HK2: variants seen among roughly 807,000 people sequenced by gnomAD.
HK2 encodes the protein hexokinase-2.
HK2 carries 42 observed loss-of-function variants against 92.9 expected under a neutral mutation model. The ratio of observed to expected loss-of-function variants is 0.45; its 90% CI spans 0.35 to 0.58. The LOEUF is 0.58. Ranked by LOEUF, HK2 falls within the 20% of genes least tolerant of loss-of-function variation. The probability of loss-of-function intolerance (pLI) is 0.00; values close to 1 mark genes in which losing one functional copy is unlikely to be tolerated. For synonymous variants in HK2, 422 were observed against 468.0 expected (o/e 0.90, Z 1.27); for missense variants, 978 against 1,245.1 (o/e 0.79, Z 3.23).
intron 13 of HK2, among the ~76,000 whole-genome samples, chr2:74,885,986 G>A (rs902529803): frequency 2.0e-5 from 3 of 151,922 alleles, no homozygotes; most frequent in African/African-American, 7.3e-5. Context: ...GCTAAACAAG[G>A]GGTGTATTAT....
intron 1 of HK2, among the ~76,000 whole-genome samples, chr2:74,835,994 G>A (rs1558784480): frequency 6.6e-6 from 1 of 152,182 alleles, no homozygotes; most frequent in Non-Finnish European, 1.5e-5. Flanking sequence ...CTGGAGGAGC[G>A]AGCAGAGGCG....
At position 74,844,258 on chromosome 2, in the gene HK2, T is replaced by C. The variant is rs940546393; in HGVS notation, c.63+9615T>C. 7.2e-5 allele frequency among the ~76,000 whole-genome samples: 11 copies of C among 152,276 alleles called. No homozygotes were observed. The South Asian group carries it at 1.9e-3, about 26-fold the overall frequency. On this transcript the variant is annotated intron_variant, in intron 1 of 17. Coordinates refer to ENST00000290573, the MANE Select transcript of HK2 (RefSeq NM_000189.5). ...ACTAAGGGACCAGCCCAAGCTCACA[T>C]AGGATAAGCCCCAGATCTGGAACCC... is the stretch of plus-strand genomic sequence containing the variant.
At chr2:74,870,208 T>G (rs567358607) in intron 3 of HK2, among the ~76,000 whole-genome samples, 1 of 152,092 alleles carries the variant, frequency 6.6e-6, no homozygotes, top group South Asian at 2.1e-4. Context: ...CAGCTAATTT[T>G]TTGAATCACC....
intron 2 of HK2, among the ~76,000 whole-genome samples, chr2:74,867,047 T>C (rs2103934206): frequency 6.6e-6 from 1 of 152,256 alleles, no homozygotes; most frequent in African/African-American, 2.4e-5. Flanking sequence ...GATGGAGGCA[T>C]GCACCCCTGG....
In HK2 at chr2:74,890,992, T is replaced by C. The variant is rs1689664705; in HGVS notation, c.*51T>C. The C allele has an allele frequency of 3.8e-6, 6 of 1,599,698 alleles. No homozygotes were observed. The highest frequency in any genetic ancestry group is 5.1e-6 in the Non-Finnish European group (6 of 1,173,214). On this transcript the variant is annotated 3_prime_UTR_variant, in exon 18 of 18. Coordinates refer to ENST00000290573, the MANE Select transcript of HK2 (RefSeq NM_000189.5). ...CTCTTTCTCTCCTTCTTCCCTGTTT[T>C]AAATTATAAGATGTCATCCCCTTGT... is the stretch of plus-strand genomic sequence containing the variant.
intron 12 of HK2, among the ~76,000 whole-genome samples, chr2:74,882,945 C>A (rs1363228314): frequency 6.6e-6 from 1 of 151,972 alleles, no homozygotes; most frequent in African/African-American, 2.4e-5. Context: ...CTTCTCTGGT[C>A]TCATCTTGCT....
In HK2 at chr2:74,842,232, A is replaced by G. The variant is rs191616134; in HGVS notation, c.63+7589A>G. 7.9e-3 allele frequency among the ~76,000 whole-genome samples: 1,203 copies of G among 152,010 alleles called. 9 individuals carry two copies. The highest frequency in any genetic ancestry group is 0.017 in the South Asian group (83 of 4,824). ...AGTATTGGTACTTAACAATGGTTCA[A>G]CTTGATTTTTTTTTGACTTCACAAT... On this transcript the variant is annotated intron_variant, in intron 1 of 17. Transcript: ENST00000290573.
intron 1 of HK2, among the ~76,000 whole-genome samples, chr2:74,852,316 G>T (rs1392540602): frequency 6.6e-6 from 1 of 152,222 alleles, no homozygotes; most frequent in East Asian, 1.9e-4. Flanking sequence ...GGGCCAGTCA[G>T]TGTCTCATTG....
At chr2:74,879,056 A>C in intron 9 of HK2, 135 bp downstream of exon 9, 3 of 798,366 alleles carry the variant, frequency 3.8e-6, no homozygotes, top group Non-Finnish European at 6.5e-6. Flanking sequence ...TGGTGGAATG[A>C]AAGTTCCCAC....
intron 7 of HK2, among the ~76,000 whole-genome samples, chr2:74,874,963 G>A (rs1385834320): frequency 6.6e-6 from 1 of 152,132 alleles, no homozygotes; most frequent in East Asian, 1.9e-4. Flanking sequence ...GAGCTTCCTT[G>A]GCCTCCTTCA....
At chr2:74,876,660 C>T (rs1301198490) in intron 7 of HK2, among the ~76,000 whole-genome samples, 1 of 152,208 alleles carries the variant, frequency 6.6e-6, no homozygotes, top group East Asian at 1.9e-4. Flanking sequence ...CCATCATCCC[C>T]TGCCCCAGGT....
chr2:74,845,599 G>A (rs529664524), intron 1 of HK2, among the ~76,000 whole-genome samples: 73 of 152,350 alleles, frequency 4.8e-4, no homozygotes, highest in African/African-American at 1.7e-3. Flanking sequence ...GGAGTGGCCC[G>A]TATGCCTCCC....
rs1415847910 is a variant in HK2, at chr2:74,889,401, G to T, written c.2532G>T (p.Arg844Ser). The T allele has an allele frequency of 9.9e-6, 16 of 1,614,194 alleles. No homozygotes were observed. Among genetic ancestry groups the T allele is most frequent in the African/African-American group, 1.3e-5 (1 of 75,052 alleles). ...CGAGMAAVVDRIRENRGLDAL... is the reference protein window; with the variant it reads ...CGAGMAAVVDSIRENRGLDAL... ...CAGGCATGGCCGCTGTGGTGGACAGGATACGAGAAAACCGTGGGCTGGACG... is the reference window on the plus strand; with the variant it reads ...CAGGCATGGCCGCTGTGGTGGACAGTATACGAGAAAACCGTGGGCTGGACG... Residue 844 changes from arginine (R) to serine (S), a missense_variant, in exon 17 of 18, where the codon AGG becomes AGT. Arg to Ser is a moderately radical substitution (Grantham distance 110). This residue lies in a region of HK2 where 742 missense variants were observed against 922.5 expected (regional missense o/e 0.80). Coordinates refer to ENST00000290573, the MANE Select transcript of HK2 (RefSeq NM_000189.5).
At chr2:74,845,472 A>T (rs1688414270) in intron 1 of HK2, among the ~76,000 whole-genome samples, 1 of 152,222 alleles carries the variant, frequency 6.6e-6, no homozygotes, top group Non-Finnish European at 1.5e-5. Flanking sequence ...CATCTCCTGG[A>T]CCCTGGACAG....
chr2:74,865,637 T>TGCTGTAGCTAGCCCGCA (rs1688927620), intron 2 of HK2, among the ~76,000 whole-genome samples: 1 of 152,100 alleles, frequency 6.6e-6, no homozygotes, highest in Non-Finnish European at 1.5e-5. Flanking sequence ...AGGGCGATGT[T>TGCTGTAGCTAGCCCGCA]GCTGTAGCTA....
At chr2:74,869,479 A>G (rs528613141) in intron 3 of HK2, among the ~76,000 whole-genome samples, 1 of 152,324 alleles carries the variant, frequency 6.6e-6, no homozygotes, top group East Asian at 1.9e-4. Context: ...TTGGAATCCC[A>G]AACTTGCAAA....
intron 1 of HK2, among the ~76,000 whole-genome samples, chr2:74,849,561 T>C (rs1688518282): frequency 6.6e-6 from 1 of 152,140 alleles, no homozygotes; most frequent in African/African-American, 2.4e-5. Flanking sequence ...AGAAGCAGCC[T>C]TGTCCATGCC....
intron 1 of HK2, among the ~76,000 whole-genome samples, chr2:74,850,250 T>C (rs1480112761): frequency 6.6e-6 from 1 of 152,246 alleles, no homozygotes; most frequent in African/African-American, 2.4e-5. Context: ...CTGTTTTCTT[T>C]AAAAGCTCCT....
chr2:74,888,571 A>G (rs904535483), intron 16 of HK2, among the ~76,000 whole-genome samples: 1 of 152,218 alleles, frequency 6.6e-6, no homozygotes, highest in Non-Finnish European at 1.5e-5. Context: ...TGAATTTCAG[A>G]GCCCTTTAAA....
Sources: allele counts gnomAD v4.1 joint callset (sites outside exome capture counted in the v4.1 genomes callset), GRCh38; gene constraint gnomAD v4.1.1; regional missense constraint gnomAD v4.1.1; transcripts MANE v1.5; gene names NCBI Gene and HGNC (gene_info 2026-07-23, HGNC 2026-07-21).